Variants in ATP8A1 observed in about 807,000 individuals in gnomAD.
The protein encoded by ATP8A1 is phospholipid-transporting ATPase IA.
A neutral mutation model predicts 177.7 loss-of-function variants in ATP8A1; 90 were observed. The observed-to-expected ratio is 0.51, with a 90% confidence interval of 0.43 to 0.60. The LOEUF is 0.60. Ranked by LOEUF, ATP8A1 falls within the 20% of genes least tolerant of loss-of-function variation. The pLI is 0.00. For synonymous variants in ATP8A1, 493 were observed against 485.9 expected (o/e 1.01, Z -0.19); for missense variants, 1,072 against 1,392.8 (o/e 0.77, Z 3.67).
chr4:42,464,962 G>A lies in ATP8A1; in HGVS notation c.2439C>T (p.His813=), dbSNP rs1234616194. 6.8e-6 allele frequency: 11 copies of A among 1,614,148 alleles called. No individual in the cohort carries two copies. The highest frequency in any genetic ancestry group is 1.1e-5 in the South Asian group (1 of 91,088). ...ANDVSMIQTA[H]VGVGISGNEG... ...CATTGCCACTGATACCAACACCAAC[G>A]TGCGCTGTCTGTATCATGCTGACAT... The change falls in exon 26 of 37, where the codon CAC becomes CAT. Residue 813 remains histidine, a synonymous_variant. Coordinates refer to ENST00000381668, the MANE Select transcript of ATP8A1 (RefSeq NM_006095.2).
chr4:42,469,993 G>A (rs562764507), intron 25 of ATP8A1, among the ~76,000 whole-genome samples: 3 of 152,252 alleles, frequency 2.0e-5, no homozygotes, highest in Non-Finnish European at 2.9e-5. Context: ...ACATCATAAA[G>A]GCACTGTTTT....
intron 22 of ATP8A1, among the ~76,000 whole-genome samples, chr4:42,510,454 C>T (rs1578078190): frequency 6.6e-6 from 1 of 152,102 alleles, no homozygotes; most frequent in Admixed American, 6.5e-5. Flanking sequence ...TTAAATCATT[C>T]TGGCTCACAT....
At chr4:42,621,767 C>T (rs1737483136) in intron 4 of ATP8A1, among the ~76,000 whole-genome samples, 1 of 152,098 alleles carries the variant, frequency 6.6e-6, no homozygotes, top group Non-Finnish European at 1.5e-5. Flanking sequence ...GCCCAAATAG[C>T]CAAGGCAATT....
chr4:42,600,610 G>C (rs1735152829), intron 5 of ATP8A1, 92 bp from the exon 6 acceptor site: 1 of 1,215,946 alleles, frequency 8.2e-7, no homozygotes, highest in Non-Finnish European at 1.2e-6. Context: ...AATAGCTTCA[G>C]TCAAAATAAC....
chr4:42,418,437 A>C (rs1445194132), intron 35 of ATP8A1, among the ~76,000 whole-genome samples: 1 of 152,256 alleles, frequency 6.6e-6, no homozygotes, highest in African/African-American at 2.4e-5. Context: ...ATGAGCCCAC[A>C]GTGTCCATCA....
At chr4:42,577,709 G>T (rs1352742412) in intron 12 of ATP8A1, among the ~76,000 whole-genome samples, 4 of 152,020 alleles carry the variant, frequency 2.6e-5, no homozygotes, top group African/African-American at 9.7e-5. Flanking sequence ...GAAAAATTAT[G>T]AAGAAAAATT....
intron 10 of ATP8A1, among the ~76,000 whole-genome samples, chr4:42,581,057 C>A (rs1338083691): frequency 6.6e-6 from 1 of 152,116 alleles, no homozygotes; most frequent in African/African-American, 2.4e-5. Flanking sequence ...TGCCATAGAC[C>A]CATACACAAA....
chr4:42,481,260 C>G lies in ATP8A1; in HGVS notation c.2324+4236G>C, dbSNP rs181143497. Among the ~76,000 whole-genome samples the G allele has an allele frequency of 7.9e-5, 12 of 152,292 alleles. No individual in the cohort carries two copies. The East Asian group carries it at 2.3e-3, about 29-fold the overall frequency. On this transcript the variant is annotated intron_variant, in intron 25 of 36. Transcript: ENST00000381668. ...AAGGTCCATCCACAACCTAAAAGGGCTATGAGAGGTCCTCTGGCCCAGCAG... is the reference window on the plus strand; with the variant it reads ...AAGGTCCATCCACAACCTAAAAGGGGTATGAGAGGTCCTCTGGCCCAGCAG...
intron 15 of ATP8A1, among the ~76,000 whole-genome samples, chr4:42,563,930 C>T (rs2153216212): frequency 6.6e-6 from 1 of 152,270 alleles, no homozygotes; most frequent in East Asian, 1.9e-4. Flanking sequence ...CCTGTCTCTA[C>T]TAAAAATACT....
intron 33 of ATP8A1, among the ~76,000 whole-genome samples, chr4:42,428,119 C>T (rs891918248): frequency 1.2e-4 from 18 of 152,188 alleles, no homozygotes; most frequent in Admixed American, 6.5e-5. Flanking sequence ...TGGAGGGAAA[C>T]GTAAACTACC....
chr4:42,503,377 G>T, intron 24 of ATP8A1, 73 bp downstream of exon 24: 1 of 867,780 alleles, frequency 1.2e-6, no homozygotes, highest in Admixed American at 2.4e-5. Flanking sequence ...TATTTCCATA[G>T]CTATCTGAAT....
intron 1 of ATP8A1, among the ~76,000 whole-genome samples, chr4:42,638,148 C>G (rs538240506): frequency 1.7e-4 from 26 of 152,242 alleles, no homozygotes; most frequent in Middle Eastern, 3.4e-3. Context: ...CAAAAATTCC[C>G]AGAAATTTAT....
At chr4:42,484,244 T>C (rs1721980147) in intron 25 of ATP8A1, among the ~76,000 whole-genome samples, 1 of 152,212 alleles carries the variant, frequency 6.6e-6, no homozygotes, top group African/African-American at 2.4e-5. Flanking sequence ...CCAGTCTCTT[T>C]ATGATTAAGC....
chr4:42,415,642 C>T (rs1462210010), intron 35 of ATP8A1, among the ~76,000 whole-genome samples: 3 of 152,130 alleles, frequency 2.0e-5, no homozygotes, highest in Non-Finnish European at 4.4e-5. Flanking sequence ...AATAAGTAAT[C>T]CATATGTGTT....
chr4:42,607,499 T>C (rs1735911424), intron 5 of ATP8A1, among the ~76,000 whole-genome samples: 2 of 152,292 alleles, frequency 1.3e-5, no homozygotes, highest in South Asian at 4.1e-4. Context: ...AATCTAGGTA[T>C]TTTTAAATCA....
At chr4:42,584,115 T>C (rs1733382477) in intron 9 of ATP8A1, among the ~76,000 whole-genome samples, 1 of 152,226 alleles carries the variant, frequency 6.6e-6, no homozygotes, top group South Asian at 2.1e-4. Context: ...TCAAACACTC[T>C]AATAATGCAA....
At chr4:42,647,412 C>T (rs548318399) in intron 1 of ATP8A1, among the ~76,000 whole-genome samples, 1 of 152,168 alleles carries the variant, frequency 6.6e-6, no homozygotes, top group South Asian at 2.1e-4. Flanking sequence ...TTGAGATGCA[C>T]TATAAAATGC....
intron 16 of ATP8A1, among the ~76,000 whole-genome samples, chr4:42,553,803 C>T (rs1729762497): frequency 6.6e-6 from 1 of 152,038 alleles, no homozygotes; most frequent in South Asian, 2.1e-4. Context: ...GCAAGACAAG[C>T]ACTGTAAAGA....
intron 29 of ATP8A1, 109 bp from the exon 30 acceptor site, chr4:42,452,168 G>T: frequency 1.4e-6 from 1 of 703,410 alleles, no homozygotes; most frequent in Non-Finnish European, 2.4e-6. Flanking sequence ...TTTCTGTCGG[G>T]CCACCACTGT....
Sources: gnomAD v4.1 joint callset for allele counts (sites outside exome capture counted in the v4.1 genomes callset) on GRCh38, gnomAD v4.1.1 for gene constraint, MANE v1.5 for transcripts, NCBI Gene and HGNC (gene_info 2026-07-23, HGNC 2026-07-21) for gene names.